The following ABCA9 variants were observed in gnomAD, a reference collection of about 807,000 sequenced individuals.
The protein encoded by ABCA9 is ATP-binding cassette sub-family A member 9.
A neutral mutation model predicts 205.3 loss-of-function variants in ABCA9; 183 were observed. That is an observed-to-expected ratio of 0.89 (90% CI 0.79 to 1.01). ABCA9 has a LOEUF of 1.01. Among genes scored for constraint, ABCA9 ranks in the 50% least tolerant of loss-of-function variants. ABCA9 has a pLI of 0.00. For synonymous variants in ABCA9, 651 were observed against 683.3 expected (o/e 0.95, Z 0.74); for missense variants, 1,805 against 1,912.4 (o/e 0.94, Z 1.05).
Position 69,035,380 on chromosome 17 carries a change from C to T in ABCA9, c.994G>A (p.Gly332Ser). 6.2e-7 allele frequency: 1 copy of T among 1,605,908 alleles called. No individual in the cohort carries two copies. Among genetic ancestry groups the T allele is most frequent in the Non-Finnish European group, 8.5e-7 (1 of 1,176,026 alleles). Residue 332 changes from glycine to serine, a missense_variant, in exon 8 of 39, where the codon GGC (glycine) becomes AGC (serine). Gly to Ser is a moderately conservative substitution (Grantham distance 56, BLOSUM62 0). Coordinates refer to ENST00000340001, the MANE Select transcript of ABCA9 (RefSeq NM_080283.4). ...ACAATAAGGAGAAACACAACCAAGC[C>T]CGTAAGGAAAGGTTTCTTTATCAAC... Reference protein sequence around the residue: ...SVLIKKPFLTGLVVFLLIVFW... With the variant: ...SVLIKKPFLTSLVVFLLIVFW...
Position 68,986,342 on chromosome 17 carries a change from ATTCT to A in ABCA9, c.4048-22_4048-19del. 1 of 1,592,640 alleles carries A rather than the reference ATTCT, an allele frequency of 6.3e-7. No individual in the cohort carries two copies. Among genetic ancestry groups the A allele is most frequent in the Non-Finnish European group, 8.6e-7 (1 of 1,169,118 alleles). The stretch of plus-strand genomic sequence containing the variant: ...AAAATCACCTATGCAAAATAAGTTC[ATTCT>A]TAGATTCTATCCCAAATGTCACGTA... On this transcript the variant is annotated intron_variant, in intron 31 of 38. Coordinates refer to ENST00000340001, the MANE Select transcript of ABCA9 (RefSeq NM_080283.4).
At chr17:69,000,652 A>G (rs1214141866) in intron 25 of ABCA9, among the ~76,000 whole-genome samples, 19 of 150,110 alleles carry the variant, frequency 1.3e-4, no homozygotes. Flanking sequence ...AGTTTTTTCC[A>G]ATTCTGTGAA....
At chr17:69,026,819 A>G (rs2071003662) in intron 15 of ABCA9, among the ~76,000 whole-genome samples, 157 bp downstream of exon 15, 1 of 152,222 alleles carries the variant, frequency 6.6e-6, no homozygotes, top group Non-Finnish European at 1.5e-5. Context: ...CATGGGGCCA[A>G]GTACTCTGGC....
At chr17:69,000,488 C>T (rs999375923) in intron 25 of ABCA9, among the ~76,000 whole-genome samples, 1 of 150,528 alleles carries the variant, frequency 6.6e-6, no homozygotes, top group Non-Finnish European at 1.5e-5. Context: ...TGATCTATAT[C>T]TCTGTTTTGG....
chr17:69,063,459 T>C (rs1021021764), upstream of ABCA9, among the ~76,000 whole-genome samples: 15 of 152,242 alleles, frequency 9.9e-5, no homozygotes, highest in African/African-American at 3.4e-4. Context: ...TCCAGCTGCC[T>C]GATAAAGACT....
chr17:68,991,924 T>C (rs932267531), intron 28 of ABCA9, among the ~76,000 whole-genome samples: 1 of 152,188 alleles, frequency 6.6e-6, no homozygotes, highest in Non-Finnish European at 1.5e-5. Context: ...CTCTTACACA[T>C]AACTTTCCTC....
rs896947522 is a variant in ABCA9, at chr17:68,994,516, C to T, written c.3555+1379G>A. 4.6e-5 allele frequency among the ~76,000 whole-genome samples: 7 copies of T among 152,260 alleles called. No homozygotes were observed. The East Asian group carries it at 5.8e-4, about 13-fold the overall frequency. On this transcript the variant is annotated intron_variant, in intron 26 of 38. Transcript: ENST00000340001. ...GCTGAAAAGTAGGGCAGAGGGTCTT[C>T]GGCACTGTCTGTCCATCCTAATGAC...
At chr17:69,020,179 T>TA (rs1330665237) in intron 19 of ABCA9, among the ~76,000 whole-genome samples, 1 of 152,104 alleles carries the variant, frequency 6.6e-6, no homozygotes, top group Non-Finnish European at 1.5e-5. Flanking sequence ...GTGTGAAATT[T>TA]AAAAAAAGAA....
intron 37 of ABCA9, among the ~76,000 whole-genome samples, chr17:68,981,257 T>C (rs1441633935): frequency 6.6e-6 from 1 of 152,140 alleles, no homozygotes; most frequent in Admixed American, 6.5e-5. Flanking sequence ...ATTTATTGTA[T>C]ACTTGAAACT....
chr17:69,010,639 T>C (rs1213228888), intron 23 of ABCA9, among the ~76,000 whole-genome samples: 3 of 152,150 alleles, frequency 2.0e-5, no homozygotes, highest in Non-Finnish European at 4.4e-5. Context: ...TCTGGTTGTA[T>C]GAAAGGAATT....
chr17:68,985,106 G>C lies in ABCA9; in HGVS notation c.4231C>G (p.Gln1411Glu), dbSNP rs759070757. Residue 1411 changes from glutamine (Q) to glutamate (E), a missense_variant, in exon 33 of 39, where the codon CAG (glutamine) becomes GAG (glutamate). Gln to Glu is a conservative substitution (Grantham distance 29). Transcript: ENST00000340001. Reference protein sequence around the residue: ...ITRLVDALKLQDQLKAPVKTL... With the variant: ...ITRLVDALKLEDQLKAPVKTL... ...TTCACGGGAGCCTTCAGCTGGTCCT[G>C]CAGCTTGAGCGCATCCACTAACCTG... The C allele has an allele frequency of 6.2e-6, 10 of 1,614,210 alleles. No individual in the cohort carries two copies. In the South Asian group the frequency reaches 1.1e-4, roughly 18 times the overall value.
At chr17:69,046,702 T>C (rs1268500680) in intron 3 of ABCA9, among the ~76,000 whole-genome samples, 1 of 151,498 alleles carries the variant, frequency 6.6e-6, no homozygotes, top group African/African-American at 2.4e-5. Flanking sequence ...AGGCTGAGTA[T>C]CTCTTATCAC....
At chr17:68,980,153 A>C (rs1419720414) in intron 37 of ABCA9, among the ~76,000 whole-genome samples, 1 of 152,222 alleles carries the variant, frequency 6.6e-6, no homozygotes, top group Non-Finnish European at 1.5e-5. Context: ...TCAAAAGAAG[A>C]CATTTATGCA....
Position 69,021,753 on chromosome 17 carries a change from A to G in ABCA9, c.2390T>C (p.Ile797Thr), listed in dbSNP as rs2070817471. The G allele has an allele frequency of 6.3e-7, 1 of 1,575,356 alleles. No homozygotes were observed. The highest frequency in any genetic ancestry group is 2.3e-5 in the East Asian group (1 of 43,896). Reference protein sequence around the residue: ...VFLKLEGKSTIDESDIGIWGQ... With the variant: ...VFLKLEGKSTTDESDIGIWGQ... Reference sequence around the variant, plus strand: ...TTATTTTTTCTTACCTGATTCATCAATAGTTGATTTTCCTTCTAATTTCAG... The same window carrying G: ...TTATTTTTTCTTACCTGATTCATCAGTAGTTGATTTTCCTTCTAATTTCAG... Residue 797 changes from isoleucine (I) to threonine (T), a missense_variant, in exon 18 of 39, where the codon ATT becomes ACT. Coordinates refer to ENST00000340001, the MANE Select transcript of ABCA9 (RefSeq NM_080283.4).
intron 25 of ABCA9, among the ~76,000 whole-genome samples, chr17:68,998,652 A>C (rs1399560504): frequency 6.7e-6 from 1 of 150,088 alleles, no homozygotes; most frequent in African/African-American, 2.5e-5. Context: ...AAAAATATTA[A>C]TTATTCTTTT....
At position 68,982,561 on chromosome 17, in the gene ABCA9, C is replaced by G. The variant is rs748215226; in HGVS notation, c.4720+1G>C. On this transcript the variant is annotated splice_donor_variant, in intron 37 of 38. Transcript: ENST00000340001. LOFTEE classifies it high-confidence loss of function. Reference sequence around the variant, plus strand: ...TTTTGTCTCTAAACAGTCACTCTTACCTATCTCTAATTTGAAGAAAGCCTG... The same window carrying G: ...TTTTGTCTCTAAACAGTCACTCTTAGCTATCTCTAATTTGAAGAAAGCCTG... 6.2e-7 allele frequency: 1 copy of G among 1,612,368 alleles called. No individual in the cohort carries two copies. The highest frequency in any genetic ancestry group is 8.5e-7 in the Non-Finnish European group (1 of 1,178,462).
chr17:69,020,212 T>A (rs1331937263), intron 19 of ABCA9, among the ~76,000 whole-genome samples, 176 bp downstream of exon 19: 1 of 152,238 alleles, frequency 6.6e-6, no homozygotes, highest in Admixed American at 6.5e-5. Flanking sequence ...GTATCTGTTT[T>A]AATTATATAT....
At chr17:69,060,096 C>A (rs1291253411) in intron 1 of ABCA9, among the ~76,000 whole-genome samples, 1 of 152,146 alleles carries the variant, frequency 6.6e-6, no homozygotes, top group Non-Finnish European at 1.5e-5. Context: ...TACATAATCT[C>A]ATTGTCATGA....
At chr17:68,981,932 GTTTCATACACTAACTCATCAGA>G (rs1481060089) in intron 37 of ABCA9, among the ~76,000 whole-genome samples, 1 of 150,866 alleles carries the variant, frequency 6.6e-6, no homozygotes, top group African/African-American at 2.5e-5. Context: ...GGGGCATGAG[GTTTCATACACTAACTCATCAGA>G]TTTCATACAC....
Sources: allele counts gnomAD v4.1 joint callset (sites outside exome capture counted in the v4.1 genomes callset), GRCh38; gene constraint gnomAD v4.1.1; transcripts MANE v1.5; gene names NCBI Gene and HGNC (gene_info 2026-07-23, HGNC 2026-07-21).